Variants in CLEC9A observed in about 807,000 individuals in gnomAD.
CLEC9A encodes the protein C-type lectin domain family 9 member A.
In CLEC9A, 24 loss-of-function variants were observed where a neutral mutation model predicts 30.0. The observed-to-expected ratio is 0.80, with a 90% CI of 0.58 to 1.13. The LOEUF (loss-of-function observed/expected upper bound fraction) is 1.13. CLEC9A is among the 50% of genes most tolerant of loss of function. CLEC9A has a pLI of 0.00. For missense variants in CLEC9A, 251 were observed against 280.9 expected, an observed-to-expected ratio of 0.89 and a Z score of 0.76; for synonymous variants, 111 against 96.8, an observed-to-expected ratio of 1.15 and a Z score of -0.86.
intron 6 of CLEC9A, 123 bp downstream of exon 6, chr12:10,061,396 T>A (rs1865996249): frequency 2.0e-6 from 2 of 1,023,624 alleles, no homozygotes; most frequent in Non-Finnish European, 2.7e-6. Flanking sequence ...AAGAGTGACA[T>A]AATTTTGGTC....
At chr12:10,045,856 A>G (rs1865841536) in intron 2 of CLEC9A, 1 of 152,372 alleles carries the variant, frequency 6.6e-6, no homozygotes, top group South Asian at 2.1e-4. Flanking sequence ...CTTTCCCTTA[A>G]TTTTCTTTCT....
chr12:10,039,707 G>A lies in CLEC9A; in HGVS notation c.-317-1759G>A, dbSNP rs972712369. 9.9e-5 allele frequency among the ~76,000 whole-genome samples: 15 copies of A among 152,252 alleles called. 1 individual carries two copies. Among genetic ancestry groups the A allele is most frequent in the Admixed American group, 8.5e-4 (13 of 15,306 alleles). On this transcript the variant is annotated intron_variant, in intron 1 of 8. Coordinates refer to ENST00000355819, the MANE Select transcript of CLEC9A (RefSeq NM_207345.4). ...CCTCCAGTGGCACATTGTAGTCTGC[G>A]TAGCTGTTGCTTGTTTGTATATTTG...
intron 5 of CLEC9A, 91 bp from the exon 6 acceptor site, chr12:10,061,036 A>G: frequency 2.2e-6 from 3 of 1,381,490 alleles, no homozygotes; most frequent in Middle Eastern, 1.8e-4. Context: ...CAAAAATAAT[A>G]GTAATTTGTA....
intron 6 of CLEC9A, among the ~76,000 whole-genome samples, chr12:10,061,705 C>T (rs960377439): frequency 6.6e-6 from 1 of 152,036 alleles, no homozygotes; most frequent in Non-Finnish European, 1.5e-5. Context: ...GAGTATTTAC[C>T]ACAAAATTCT....
chr12:10,040,552 G>A (rs969537767), intron 1 of CLEC9A, among the ~76,000 whole-genome samples: 5 of 151,204 alleles, frequency 3.3e-5, no homozygotes, highest in African/African-American at 7.3e-5. Flanking sequence ...CCAGGTTCAC[G>A]CCATTCTCCT....
At position 10,048,909 on chromosome 12, in the gene CLEC9A, G is replaced by A. The variant is rs964121551; in HGVS notation, c.-162-3082G>A. ...CTAGAATAGTAAATCCTTTCCAGGTGGTTTTCAATTTACTTTGCTCTGATA... is the reference window on the plus strand; with the variant it reads ...CTAGAATAGTAAATCCTTTCCAGGTAGTTTTCAATTTACTTTGCTCTGATA... On this transcript the variant is annotated intron_variant, in intron 2 of 8. Transcript: ENST00000355819. 1.6e-4 allele frequency among the ~76,000 whole-genome samples: 25 copies of A among 152,248 alleles called. No individual in the cohort carries two copies. The South Asian group carries it at 5.0e-3, about 30-fold the overall frequency.
chr12:10,049,616 T>C (rs148872527), intron 2 of CLEC9A, among the ~76,000 whole-genome samples: 2 of 152,248 alleles, frequency 1.3e-5, no homozygotes, highest in African/African-American at 4.8e-5. Flanking sequence ...TTAAACCTCA[T>C]GGACCAACCT....
chr12:10,065,384 A>G, intron 8 of CLEC9A, 116 bp from the exon 9 acceptor site: 2 of 1,071,814 alleles, frequency 1.9e-6, no homozygotes, highest in Non-Finnish European at 1.3e-6. Context: ...CACCACAGGA[A>G]GTTGCTGTGT....
intron 4 of CLEC9A, 109 bp downstream of exon 4, chr12:10,052,887 A>G: frequency 8.0e-7 from 1 of 1,257,714 alleles, no homozygotes; most frequent in Middle Eastern, 2.2e-4. Flanking sequence ...TAATCTACCT[A>G]AGGGTACTGT....
At position 10,063,246 on chromosome 12, in the gene CLEC9A, T is replaced by A. The variant is rs1866012894; in HGVS notation, c.471+40T>A. 4 of 1,466,236 alleles carry A rather than the reference T, an allele frequency of 2.7e-6. No homozygotes were observed. In the South Asian group the frequency reaches 4.5e-5, roughly 16 times the overall value. The allele number at this position is 1,466,236 out of a possible 1,614,324, so 90.8% of individuals were successfully genotyped here. ...GTGGTCTCATGTTATTCTGAAAATA[T>A]CATTTTACTTATTAAAAGAAATCCC... On this transcript the variant is annotated intron_variant, in intron 7 of 8. Coordinates refer to ENST00000355819, the MANE Select transcript of CLEC9A (RefSeq NM_207345.4).
intron 2 of CLEC9A, among the ~76,000 whole-genome samples, chr12:10,047,101 G>A (rs1865853477): frequency 6.6e-6 from 1 of 152,076 alleles, no homozygotes; most frequent in Admixed American, 6.6e-5. Flanking sequence ...AGCAGATTTG[G>A]AGGGCTTAGG....
At chr12:10,036,892 A>G (rs1246142926) in intron 1 of CLEC9A, among the ~76,000 whole-genome samples, 1 of 152,238 alleles carries the variant, frequency 6.6e-6, no homozygotes, top group Non-Finnish European at 1.5e-5. Context: ...TCATACATAT[A>G]TGCATTCATT....
intron 1 of CLEC9A, among the ~76,000 whole-genome samples, chr12:10,034,380 T>C (rs1046507783): frequency 6.6e-6 from 1 of 152,244 alleles, no homozygotes; most frequent in African/African-American, 2.4e-5. Context: ...CCAATTCTCA[T>C]GAGCCCAACC....
At chr12:10,054,838 A>G (rs1865925724) in intron 5 of CLEC9A, among the ~76,000 whole-genome samples, 1 of 152,228 alleles carries the variant, frequency 6.6e-6, no homozygotes, top group African/African-American at 2.4e-5. Context: ...TATGTTTGGC[A>G]AGTGAAATTT....
intron 1 of CLEC9A, 40 bp downstream of exon 1, chr12:10,031,012 C>T (rs1342840603): frequency 6.6e-6 from 1 of 152,124 alleles, no homozygotes; most frequent in Non-Finnish European, 1.5e-5. Context: ...TATGTCATTA[C>T]AGATGATGCT....
chr12:10,050,473 T>G (rs1008094860), intron 2 of CLEC9A, among the ~76,000 whole-genome samples: 10 of 152,266 alleles, frequency 6.6e-5, no homozygotes, highest in Non-Finnish European at 1.2e-4. Context: ...AGTGCCTATT[T>G]CATTGAGCTA....
At position 10,062,069 on chromosome 12, in the gene CLEC9A, C is replaced by G. The variant is rs1240165625; in HGVS notation, c.319+796C>G. ...CGGGTGAGGCCCACCTCTGAGCCAT[C>G]AACCTTGAATAGAATAACAATATCC... On this transcript the variant is annotated intron_variant, in intron 6 of 8. Transcript: ENST00000355819. Among the ~76,000 whole-genome samples, 8 of 152,322 alleles carry G rather than the reference C, an allele frequency of 5.3e-5. No individual in the cohort carries two copies. The East Asian group carries it at 1.5e-3, about 29-fold the overall frequency.
At chr12:10,036,365 T>G (rs926737205) in intron 1 of CLEC9A, among the ~76,000 whole-genome samples, 2 of 152,256 alleles carry the variant, frequency 1.3e-5, no homozygotes, top group Admixed American at 6.5e-5. Flanking sequence ...ATTTAGTATT[T>G]GTGTGAAAGC....
intron 2 of CLEC9A, among the ~76,000 whole-genome samples, chr12:10,045,272 A>C (rs1865836062): frequency 1.3e-5 from 2 of 152,082 alleles, no homozygotes; most frequent in Non-Finnish European, 2.9e-5. Context: ...TTGCTCCTTA[A>C]TCTTATGCTA....
Sources: allele counts gnomAD v4.1 joint callset (sites outside exome capture counted in the v4.1 genomes callset), GRCh38; gene constraint gnomAD v4.1.1; transcripts MANE v1.5; gene names NCBI Gene and HGNC (gene_info 2026-07-23, HGNC 2026-07-21).